Variants in TMEM117 observed in about 807,000 individuals in gnomAD.
TMEM117 encodes transmembrane protein 117.
In TMEM117, 27 loss-of-function variants were observed where a neutral mutation model predicts 52.4. The observed-to-expected ratio is 0.51, with a 90% CI of 0.38 to 0.71. The LOEUF is 0.71. Among genes scored for constraint, TMEM117 ranks in the 30% least tolerant of loss-of-function variants. The pLI is 0.00. For missense variants in TMEM117, 556 were observed against 630.5 expected (o/e 0.88, Z 1.26); for synonymous variants, 215 against 206.3 (o/e 1.04, Z -0.36).
At chr12:44,018,384 C>G (rs952499193) in intron 3 of TMEM117, among the ~76,000 whole-genome samples, 1 of 152,008 alleles carries the variant, frequency 6.6e-6, no homozygotes. Flanking sequence ...ATATTTTAGA[C>G]CTACTGAATT....
intron 3 of TMEM117, among the ~76,000 whole-genome samples, chr12:44,142,246 T>C (rs532802772): frequency 3.9e-5 from 6 of 152,338 alleles, no homozygotes; most frequent in East Asian, 3.9e-4. Context: ...ATGCAATTTA[T>C]GGTAGCTATA....
chr12:44,036,795 A>G (rs1785050826), intron 3 of TMEM117, among the ~76,000 whole-genome samples: 1 of 152,168 alleles, frequency 6.6e-6, no homozygotes, highest in Non-Finnish European at 1.5e-5. Flanking sequence ...ATAATGCCAA[A>G]TGATTATCCA....
chr12:44,357,262 A>G (rs780734867), intron 6 of TMEM117, among the ~76,000 whole-genome samples: 4 of 151,946 alleles, frequency 2.6e-5, no homozygotes, highest in Non-Finnish European at 4.4e-5. Context: ...CTTCCTAACC[A>G]CAGCATGGCA....
At chr12:44,287,889 G>C (rs1231659569) in intron 5 of TMEM117, among the ~76,000 whole-genome samples, 1 of 152,128 alleles carries the variant, frequency 6.6e-6, no homozygotes, top group Non-Finnish European at 1.5e-5. Flanking sequence ...ATGGTATTGG[G>C]GTAGTAGTAA....
intron 3 of TMEM117, 54 bp downstream of exon 3, chr12:43,944,396 A>G: frequency 6.6e-7 from 1 of 1,523,314 alleles, no homozygotes; most frequent in South Asian, 1.2e-5. Context: ...GAAACTTGTA[A>G]GAATTTAAGA....
chr12:44,162,913 G>T (rs1384850441), intron 4 of TMEM117, among the ~76,000 whole-genome samples: 1 of 152,186 alleles, frequency 6.6e-6, no homozygotes, highest in Non-Finnish European at 1.5e-5. Flanking sequence ...AATCCTAAGA[G>T]ATGTGATCAG....
At chr12:44,277,833 G>A (rs1199227611) in intron 5 of TMEM117, among the ~76,000 whole-genome samples, 3 of 142,186 alleles carry the variant, frequency 2.1e-5, no homozygotes, top group South Asian at 2.2e-4. Context: ...GTGTGATCTC[G>A]GCTCACTGCA....
chr12:44,215,606 C>G (rs1323645334), intron 5 of TMEM117, among the ~76,000 whole-genome samples: 1 of 152,020 alleles, frequency 6.6e-6, no homozygotes, highest in Non-Finnish European at 1.5e-5. Flanking sequence ...ACATAAAGAA[C>G]AAGTAATATG....
At chr12:43,949,952 T>G (rs1945193376) in intron 3 of TMEM117, among the ~76,000 whole-genome samples, 1 of 152,182 alleles carries the variant, frequency 6.6e-6, no homozygotes, top group African/African-American at 2.4e-5. Flanking sequence ...GGTTCTTACT[T>G]TTCTCTGGAC....
intron 5 of TMEM117, among the ~76,000 whole-genome samples, chr12:44,214,611 C>CT (rs34140356): frequency 0.11 from 16,154 of 152,116 alleles, 949 homozygotes; most frequent in Middle Eastern, 0.2. Context: ...AAAATTCACA[C>CT]TTTTTTGTAG....
Position 44,043,821 on chromosome 12 carries a change from G to A in TMEM117, c.410+99479G>A, listed in dbSNP as rs1028623276. On this transcript the variant is annotated intron_variant, in intron 3 of 7. Transcript: ENST00000266534. ...ATATAAACAGAAATCTGGAGAACAG[G>A]CATGGGAATGGATATTAAGGGTTTG... Among the ~76,000 whole-genome samples, 7 of 152,310 alleles carry A rather than the reference G, an allele frequency of 4.6e-5. 1 individual carries two copies. The highest frequency in any genetic ancestry group is 1.7e-4 in the African/African-American group (7 of 41,574).
chr12:43,805,477 G>GC, the TMEM117 span: 13 of 450,536 alleles, frequency 2.9e-5, no homozygotes, highest in Non-Finnish European at 4.9e-5. Flanking sequence ...TTAAGTGATC[G>GC]CGAGTAACCC....
chr12:44,297,075 T>G (rs1565685195), intron 5 of TMEM117, among the ~76,000 whole-genome samples: 1 of 152,192 alleles, frequency 6.6e-6, no homozygotes, highest in Admixed American at 6.5e-5. Context: ...TGGGAGGATA[T>G]GAGTAGAGGA....
intron 3 of TMEM117, chr12:44,010,141 T>C: frequency 1.9e-6 from 1 of 513,492 alleles, no homozygotes; most frequent in South Asian, 1.4e-5. Context: ...CTCTCATCAT[T>C]GTTTGCTCTA....
chr12:44,244,166 T>A (rs1208823971), intron 5 of TMEM117, among the ~76,000 whole-genome samples: 1 of 151,980 alleles, frequency 6.6e-6, no homozygotes, highest in Non-Finnish European at 1.5e-5. Flanking sequence ...GATCACGTGG[T>A]AATTATATTT....
At chr12:43,814,749 T>TG in the TMEM117 span, among the ~76,000 whole-genome samples, 1 of 149,370 alleles carries the variant, frequency 6.7e-6, no homozygotes, top group African/African-American at 2.5e-5. Context: ...TTTTTTTTTT[T>TG]TTTTTTTTTT....
At chr12:44,331,394 G>C (rs1308477633) in intron 6 of TMEM117, among the ~76,000 whole-genome samples, 1 of 151,826 alleles carries the variant, frequency 6.6e-6, no homozygotes, top group Admixed American at 6.6e-5. Context: ...AATAACCATG[G>C]TGTTTCATAA....
At chr12:43,981,499 C>A (rs1217165987) in intron 3 of TMEM117, among the ~76,000 whole-genome samples, 2 of 152,110 alleles carry the variant, frequency 1.3e-5, no homozygotes, top group Non-Finnish European at 2.9e-5. Flanking sequence ...AACTAAAGTG[C>A]CTGCTTTGTT....
intron 3 of TMEM117, among the ~76,000 whole-genome samples, chr12:44,116,106 A>G (rs1948138266): frequency 6.6e-6 from 1 of 152,198 alleles, no homozygotes; most frequent in Non-Finnish European, 1.5e-5. Flanking sequence ...AATCATCTAC[A>G]TGTTAAATTT....
Sources: allele counts gnomAD v4.1 joint callset (sites outside exome capture counted in the v4.1 genomes callset), GRCh38; gene constraint gnomAD v4.1.1; transcripts MANE v1.5; gene names NCBI Gene and HGNC (gene_info 2026-07-23, HGNC 2026-07-21).